Variants in CHCHD6 observed in about 807,000 individuals in gnomAD.
CHCHD6 encodes the protein coiled-coil-helix-coiled-coil-helix domain containing 6.
CHCHD6 carries 28 observed loss-of-function variants against 32.3 expected under a neutral mutation model. The ratio of observed to expected loss-of-function variants is 0.87; its 90% CI spans 0.64 to 1.19. The LOEUF is 1.19. CHCHD6 is among the 50% of genes most tolerant of loss of function. CHCHD6 has a pLI of 0.00. For synonymous variants in CHCHD6, 122 were observed against 117.5 expected (o/e 1.04, Z -0.25); for missense variants, 333 against 307.0 (o/e 1.08, Z -0.63).
chr3:126,879,562 G>A (rs1341398072), intron 5 of CHCHD6, among the ~76,000 whole-genome samples: 1 of 152,200 alleles, frequency 6.6e-6, no homozygotes, highest in African/African-American at 2.4e-5. Flanking sequence ...AGTTTCACAA[G>A]AGGCCAGAGA....
At chr3:126,716,263 T>C (rs13320858) in intron 1 of CHCHD6, among the ~76,000 whole-genome samples, 31,281 of 152,228 alleles carry the variant, frequency 0.21, 3,497 homozygotes, top group South Asian at 0.35. Context: ...TGAGCCGTGG[T>C]GCTCCTTGGA....
At position 126,861,450 on chromosome 3, in the gene CHCHD6, G is replaced by T. The variant is rs541132924; in HGVS notation, c.495+8720G>T. On this transcript the variant is annotated intron_variant, in intron 5 of 7. Coordinates refer to ENST00000290913, the MANE Select transcript of CHCHD6 (RefSeq NM_032343.3). ...TGAGATGGCTCACAGTGTTTATCCA[G>T]GAGGAGCTCTCAGTAAGCACTTCAT... Among the ~76,000 whole-genome samples the T allele has an allele frequency of 1.5e-3, 233 of 151,938 alleles. 2 individuals are homozygous for T. Among genetic ancestry groups the T allele is most frequent in the African/African-American group, 5.5e-3 (227 of 41,362 alleles).
chr3:126,758,893 T>TAGCAA (rs1163795168), intron 4 of CHCHD6, among the ~76,000 whole-genome samples: 4 of 152,358 alleles, frequency 2.6e-5, no homozygotes, highest in African/African-American at 9.6e-5. Flanking sequence ...CTCATTTCCT[T>TAGCAA]TTGACTGGTG....
chr3:126,934,311 T>G (rs1178420362), intron 6 of CHCHD6, among the ~76,000 whole-genome samples: 4 of 152,168 alleles, frequency 2.6e-5, no homozygotes, highest in Admixed American at 6.5e-5. Context: ...TTGTCAGGAA[T>G]GCCCGGGAGT....
At chr3:126,809,032 C>T (rs185187225) in intron 4 of CHCHD6, among the ~76,000 whole-genome samples, 228 of 151,616 alleles carry the variant, frequency 1.5e-3, no homozygotes, top group African/African-American at 5.2e-3. Context: ...AGTGCAGTGG[C>T]GTGATCTCAG....
intron 6 of CHCHD6, among the ~76,000 whole-genome samples, chr3:126,955,380 A>C (rs961854357): frequency 4.0e-5 from 6 of 151,670 alleles, no homozygotes; most frequent in Non-Finnish European, 5.9e-5. Context: ...TGCAGATAAA[A>C]CCCCCCCCAC....
At chr3:126,917,390 C>T (rs1031785258) in intron 6 of CHCHD6, among the ~76,000 whole-genome samples, 4 of 152,140 alleles carry the variant, frequency 2.6e-5, no homozygotes, top group Non-Finnish European at 5.9e-5. Context: ...CCTTGCAGGC[C>T]CTGCCTGGAC....
chr3:126,861,965 C>T (rs1941906675), intron 5 of CHCHD6, among the ~76,000 whole-genome samples: 1 of 75,464 alleles, frequency 1.3e-5, no homozygotes, highest in Non-Finnish European at 2.9e-5. Flanking sequence ...ATCACCACTT[C>T]CCCCTCCTCC....
At chr3:126,803,340 C>T (rs567562441) in intron 4 of CHCHD6, among the ~76,000 whole-genome samples, 7 of 152,174 alleles carry the variant, frequency 4.6e-5, no homozygotes, top group East Asian at 3.9e-4. Flanking sequence ...CAGAGACACA[C>T]ATAGGCTCAA....
At chr3:126,766,568 C>T (rs1937377964) in intron 4 of CHCHD6, 3 of 1,157,612 alleles carry the variant, frequency 2.6e-6, no homozygotes, top group Non-Finnish European at 3.9e-6. Context: ...AGAGTCTTCA[C>T]CTCCTGGGCT....
chr3:126,808,829 G>A (rs1312869974), intron 4 of CHCHD6, among the ~76,000 whole-genome samples: 1 of 152,106 alleles, frequency 6.6e-6, no homozygotes, highest in Non-Finnish European at 1.5e-5. Context: ...GGTGGAGAAG[G>A]ACTTTCTGGT....
chr3:126,867,851 T>C (rs1317622789), intron 5 of CHCHD6, among the ~76,000 whole-genome samples: 1 of 152,228 alleles, frequency 6.6e-6, no homozygotes, highest in Non-Finnish European at 1.5e-5. Flanking sequence ...GAACTGAAGC[T>C]AAAACCTCCT....
chr3:126,901,296 G>A (rs1452674220), intron 5 of CHCHD6, among the ~76,000 whole-genome samples: 5 of 152,224 alleles, frequency 3.3e-5, no homozygotes, highest in Admixed American at 6.5e-5. Context: ...GCCGTCCTCT[G>A]ACGGGAGGCG....
chr3:126,865,516 C>T, intron 5 of CHCHD6: 1 of 968,550 alleles, frequency 1.0e-6, no homozygotes, highest in South Asian at 4.8e-5. Flanking sequence ...ACCACCATCT[C>T]CACCATCCTC....
At chr3:126,945,642 G>A (rs2078625710) in intron 6 of CHCHD6, among the ~76,000 whole-genome samples, 1 of 140,294 alleles carries the variant, frequency 7.1e-6, no homozygotes, top group Non-Finnish European at 1.6e-5. Flanking sequence ...ACTCAAGTCG[G>A]GAGACTCAGG....
intron 6 of CHCHD6, among the ~76,000 whole-genome samples, chr3:126,936,601 G>A (rs1055837264): frequency 6.6e-6 from 1 of 152,012 alleles, no homozygotes; most frequent in African/African-American, 2.4e-5. Flanking sequence ...TGTTGCCCAG[G>A]CTGCAGTGCA....
At chr3:126,933,690 C>T (rs1004043845) in intron 6 of CHCHD6, among the ~76,000 whole-genome samples, 3 of 152,204 alleles carry the variant, frequency 2.0e-5, no homozygotes, top group Non-Finnish European at 4.4e-5. Context: ...GACCCAGACA[C>T]CTCCCACCAG....
intron 4 of CHCHD6, among the ~76,000 whole-genome samples, chr3:126,753,720 G>C (rs948251750): frequency 5.3e-5 from 8 of 152,222 alleles, no homozygotes; most frequent in African/African-American, 1.9e-4. Context: ...TGCAGCAGTG[G>C]GTGAAGAGAG....
intron 1 of CHCHD6, among the ~76,000 whole-genome samples, chr3:126,704,646 C>T (rs1264889703): frequency 6.6e-6 from 1 of 152,188 alleles, no homozygotes; most frequent in Non-Finnish European, 1.5e-5. Context: ...GCCCCTGGGA[C>T]ACGAGGGACG....
Sources: gnomAD v4.1 joint callset for allele counts (sites outside exome capture counted in the v4.1 genomes callset) on GRCh38, gnomAD v4.1.1 for gene constraint, MANE v1.5 for transcripts, NCBI Gene and HGNC (gene_info 2026-07-23, HGNC 2026-07-21) for gene names.